Variants in FARP1 observed in about 807,000 individuals in gnomAD.
FARP1 encodes FERM, ARHGEF and pleckstrin domain-containing protein 1.
In FARP1, 52 loss-of-function variants were observed where a neutral mutation model predicts 128.8. The ratio of observed to expected loss-of-function variants is 0.40; its 90% confidence interval spans 0.32 to 0.51. The LOEUF is 0.51. Ranked by LOEUF, FARP1 falls within the 20% of genes least tolerant of loss-of-function variation. The pLI, the probability that FARP1 is intolerant of heterozygous loss-of-function variation, is 0.45. For synonymous variants in FARP1, 580 were observed against 551.8 expected (o/e 1.05, Z -0.72); for missense variants, 1,333 against 1,367.9 (o/e 0.97, Z 0.40).
chr13:98,237,777 GCTTC>G (rs1405173159), intron 2 of FARP1, among the ~76,000 whole-genome samples: 4 of 152,132 alleles, frequency 2.6e-5, no homozygotes, highest in African/African-American at 9.7e-5. Context: ...GAGGACTGCA[GCTTC>G]AGTTGCCCAC....
intron 2 of FARP1, chr13:98,234,815 A>G (rs1882326540): frequency 1.3e-5 from 2 of 152,194 alleles, no homozygotes; most frequent in South Asian, 4.1e-4. Context: ...GAGAAAGCAA[A>G]TTGAGCTGAC....
rs996590212 is a variant in FARP1, at chr13:98,371,090, G to C, written c.398+2895G>C. 3.3e-5 allele frequency among the ~76,000 whole-genome samples: 5 copies of C among 152,290 alleles called. No homozygotes were observed. In the East Asian group the frequency reaches 7.7e-4, roughly 24 times the overall value. On this transcript the variant is annotated intron_variant, in intron 5 of 26. Coordinates refer to ENST00000319562, the MANE Select transcript of FARP1 (RefSeq NM_005766.4). The stretch of plus-strand genomic sequence containing the variant: ...AATCTAAGGGCAAGTCCAGCTGTTG[G>C]AGGAATGTAGTTGTGTTTGGAATAA...
intron 2 of FARP1, among the ~76,000 whole-genome samples, chr13:98,230,644 T>TA (rs1566770911): frequency 2.0e-5 from 3 of 150,778 alleles, no homozygotes; most frequent in African/African-American, 7.4e-5. Flanking sequence ...TGCTTTTTTT[T>TA]AATAAAACCA....
At position 98,209,838 on chromosome 13, in the gene FARP1, C is replaced by T. The variant is rs555139395; in HGVS notation, c.-23-3382C>T. 2.0e-4 allele frequency among the ~76,000 whole-genome samples: 21 copies of T among 105,642 alleles called. 1 individual carries two copies. The highest frequency in any genetic ancestry group is 3.2e-4 in the South Asian group (1 of 3,140). 69.3% of individuals were successfully genotyped at this position (105,642 alleles called of 152,430 possible). On this transcript the variant is annotated intron_variant, in intron 1 of 26. Coordinates refer to ENST00000319562, the MANE Select transcript of FARP1 (RefSeq NM_005766.4). ...AAAAAAAAAAAAAAAAAGAAAAAGC[C>T]GGGGGTGGTGGTGCACGCCTGTAAT...
At chr13:98,371,349 G>A (rs1159411487) in intron 5 of FARP1, among the ~76,000 whole-genome samples, 1 of 151,424 alleles carries the variant, frequency 6.6e-6, no homozygotes, top group Non-Finnish European at 1.5e-5. Flanking sequence ...CCATACAGCT[G>A]GTTACCATCG....
intron 2 of FARP1, among the ~76,000 whole-genome samples, chr13:98,223,955 G>T (rs2139372946): frequency 6.6e-6 from 1 of 152,286 alleles, no homozygotes; most frequent in African/African-American, 2.4e-5. Flanking sequence ...TAGTTTTGAT[G>T]TAATTTGCCT....
At chr13:98,261,791 C>T (rs994987613) in intron 2 of FARP1, among the ~76,000 whole-genome samples, 1 of 152,124 alleles carries the variant, frequency 6.6e-6, no homozygotes, top group African/African-American at 2.4e-5. Flanking sequence ...TTACAACCAA[C>T]ACTCTCCTGA....
At chr13:98,420,518 G>A (rs534957810) in intron 16 of FARP1, among the ~76,000 whole-genome samples, 6 of 152,330 alleles carry the variant, frequency 3.9e-5, no homozygotes, top group African/African-American at 9.6e-5. Context: ...AATTCATGAC[G>A]TGTGTGGGTG....
chr13:98,390,708 C>T (rs1890273762), intron 10 of FARP1, 104 bp from the exon 11 acceptor site: 2 of 858,420 alleles, frequency 2.3e-6, no homozygotes, highest in African/African-American at 1.7e-5. Context: ...TGCATCTCTC[C>T]CAGTTAGGGA....
At chr13:98,177,277 C>G in intron 1 of FARP1, 1 of 1,472,452 alleles carries the variant, frequency 6.8e-7, no homozygotes, top group Non-Finnish European at 9.1e-7. Flanking sequence ...CGTGCGTCAC[C>G]CTTGCGTCGC....
At chr13:98,397,230 A>G (rs571058408) in intron 13 of FARP1, 1 of 152,346 alleles carries the variant, frequency 6.6e-6, no homozygotes, top group East Asian at 1.9e-4. Context: ...TCTGCCTCTC[A>G]GAATCTCTTG....
chr13:98,380,424 C>CA (rs1889847011), intron 6 of FARP1, among the ~76,000 whole-genome samples: 1 of 135,200 alleles, frequency 7.4e-6, no homozygotes, highest in South Asian at 2.4e-4. Context: ...GAGACTCTGT[C>CA]TAAAAAAAAA....
At chr13:98,446,021 G>A in intron 24 of FARP1, 77 bp from the exon 25 acceptor site, 2 of 977,092 alleles carry the variant, frequency 2.0e-6, no homozygotes, top group Non-Finnish European at 3.2e-6. Flanking sequence ...CAGGGCCCTG[G>A]TGCAGGGAGA....
At chr13:98,217,377 C>T (rs981805452) in intron 2 of FARP1, among the ~76,000 whole-genome samples, 3 of 152,054 alleles carry the variant, frequency 2.0e-5, no homozygotes, top group East Asian at 1.9e-4. Flanking sequence ...GGCGGGTGGA[C>T]GATGGCAGAA....
intron 17 of FARP1, among the ~76,000 whole-genome samples, chr13:98,427,464 G>T (rs2139027156): frequency 6.6e-6 from 1 of 152,316 alleles, no homozygotes; most frequent in Middle Eastern, 3.4e-3. Context: ...CAGCTCCCCA[G>T]GGAGGCGCCC....
chr13:98,377,914 G>A lies in FARP1; in HGVS notation c.492G>A (p.Val164=). 2 of 1,606,018 alleles carry A rather than the reference G, an allele frequency of 1.2e-6. No individual in the cohort carries two copies. The change falls in exon 6 of 27, where the codon GTG becomes GTA. Residue 164 remains valine, a synonymous_variant. Coordinates refer to ENST00000319562, the MANE Select transcript of FARP1 (RefSeq NM_005766.4). ...CAGCTCTCTTGATTTCACACATTGT[G>A]CAATGTAAGTTCTATTGGTTTCCTT... The part of the protein sequence containing the change: ...TSAALLISHI[V]QSEIGDFDEA...
At chr13:98,424,426 G>A (rs1177472401) in intron 16 of FARP1, 146 bp from the exon 17 acceptor site, 6 of 636,346 alleles carry the variant, frequency 9.4e-6, no homozygotes, top group East Asian at 8.3e-5. Context: ...TCCTTCCAAC[G>A]ATAACATTCC....
At chr13:98,194,185 C>T (rs1308581790) in intron 1 of FARP1, among the ~76,000 whole-genome samples, 3 of 152,072 alleles carry the variant, frequency 2.0e-5, no homozygotes, top group Admixed American at 6.6e-5. Context: ...GGCACAATCT[C>T]GGCTTGTTGC....
chr13:98,385,886 T>C, intron 8 of FARP1, 72 bp downstream of exon 8: 1 of 1,497,952 alleles, frequency 6.7e-7, no homozygotes, highest in Non-Finnish European at 9.2e-7. Context: ...CAACTCTGAT[T>C]CATATTCAGT....
Sources: gnomAD v4.1 joint callset for allele counts (sites outside exome capture counted in the v4.1 genomes callset) on GRCh38, gnomAD v4.1.1 for gene constraint, MANE v1.5 for transcripts, NCBI Gene and HGNC (gene_info 2026-07-23, HGNC 2026-07-21) for gene names.